Variants in AMPD3 observed in about 807,000 individuals in gnomAD.
AMPD3 encodes the protein AMP deaminase 3.
Under a neutral mutation model 82.3 loss-of-function variants are expected in AMPD3, and 57 were observed. That is an observed-to-expected ratio of 0.69 (90% CI 0.56 to 0.86). The LOEUF is 0.86. Ranked by LOEUF, AMPD3 falls within the 40% of genes least tolerant of loss-of-function variation. AMPD3 has a pLI of 0.00. For missense variants in AMPD3, 870 were observed against 1,003.8 expected (o/e 0.87, Z 1.80); for synonymous variants, 381 against 394.7 (o/e 0.97, Z 0.41).
At chr11:10,470,272 T>C (rs542159372) in intron 2 of AMPD3, among the ~76,000 whole-genome samples, 1 of 152,274 alleles carries the variant, frequency 6.6e-6, no homozygotes, top group East Asian at 1.9e-4. Context: ...CACCCCTTCA[T>C]GCTAAAAACT....
chr11:10,457,004 G>A (rs147599340), intron 1 of AMPD3, among the ~76,000 whole-genome samples: 1 of 147,814 alleles, frequency 6.8e-6, no homozygotes, highest in Non-Finnish European at 1.5e-5. Context: ...TTGAGAGAAG[G>A]TCTTGCTCTG....
chr11:10,505,870 G>T lies in AMPD3; in HGVS notation c.2290G>T (p.Ala764Ser). 6.2e-7 allele frequency: 1 copy of T among 1,614,076 alleles called. No individual in the cohort carries two copies. The highest frequency in any genetic ancestry group is 8.5e-7 in the Non-Finnish European group (1 of 1,180,020). The change falls in exon 15 of 15, where the codon GCC (alanine) becomes TCC (serine). Residue 764 changes from alanine to serine, a missense_variant. By Grantham distance (99) the Ala-to-Ser change is moderately conservative. Transcript: ENST00000396553. ...TGCTATGAAATCAGAAGAGATCACC[G>T]CCTTGACCAACTAGGTCCAGCATTT... Reference protein sequence around the residue: ...SDAMKSEEITALTN With the variant: ...SDAMKSEEITSLTN
intron 6 of AMPD3, among the ~76,000 whole-genome samples, chr11:10,490,755 AG>A (rs1222646022): frequency 6.6e-6 from 1 of 152,206 alleles, no homozygotes; most frequent in Non-Finnish European, 1.5e-5. Context: ...CAGAAAGCCC[AG>A]AATCCGCTGA....
intron 6 of AMPD3, among the ~76,000 whole-genome samples, chr11:10,488,735 T>G (rs1224108309): frequency 2.0e-5 from 3 of 152,014 alleles, no homozygotes; most frequent in Non-Finnish European, 4.4e-5. Flanking sequence ...TAAAGCTGGG[T>G]GGAGTCACAG....
chr11:10,496,418 C>T, intron 9 of AMPD3: 1 of 985,354 alleles, frequency 1.0e-6, no homozygotes, highest in Non-Finnish European at 1.2e-6. Flanking sequence ...AGGCGGCTGG[C>T]CAGGGTGGAG....
chr11:10,461,577 C>T lies in AMPD3; in HGVS notation c.58C>T (p.Leu20=). ...TGAAGTGGATGAGCAAGTCCGGCTCCTGGCGGAGAAGGTGTTTGCTAAAGT... is the reference window on the plus strand; with the variant it reads ...TGAAGTGGATGAGCAAGTCCGGCTCTTGGCGGAGAAGGTGTTTGCTAAAGT... ...ISEVDEQVRL[L]AEKVFAKVLR... Residue 20 remains leucine (L), a synonymous_variant, in exon 2 of 15, where the codon CTG becomes TTG. Coordinates refer to ENST00000396553, the MANE Select transcript of AMPD3 (RefSeq NM_001025389.2). 1 of 1,614,228 alleles carries T rather than the reference C, an allele frequency of 6.2e-7. No individual in the cohort carries two copies. Among genetic ancestry groups the T allele is most frequent in the South Asian group, 1.1e-5 (1 of 91,088 alleles).
rs187304744 is a variant in AMPD3 at position 10,507,520 on chromosome 11, C to T, written c.*1636C>T. 1 of 152,634 alleles carries T rather than the reference C, an allele frequency of 6.6e-6. No homozygotes were observed. Among genetic ancestry groups the T allele is most frequent in the East Asian group, 1.9e-4 (1 of 5,206 alleles). 9.5% of individuals were successfully genotyped at this position (152,634 alleles called of 1,614,324 possible). A position where few individuals can be genotyped will look rare whatever the true frequency, so the allele number is the denominator to read the frequency against. On this transcript the variant is annotated 3_prime_UTR_variant, in exon 15 of 15. Transcript: ENST00000396553. ...GAAGTATTGTGTAGTTTCTCATTGTCATTTTATCTGTATCAAGTATCTTTT... is the reference window on the plus strand; with the variant it reads ...GAAGTATTGTGTAGTTTCTCATTGTTATTTTATCTGTATCAAGTATCTTTT...
Position 10,456,922 on chromosome 11 carries a change from G to T in AMPD3, c.-6+1474G>T, listed in dbSNP as rs1166512955. 6.6e-6 allele frequency among the ~76,000 whole-genome samples: 1 copy of T among 151,936 alleles called. No individual in the cohort carries two copies. The highest frequency in any genetic ancestry group is 1.5e-5 in the Non-Finnish European group (1 of 68,002). On this transcript the variant is annotated intron_variant, in intron 1 of 14. Coordinates refer to ENST00000396553, the MANE Select transcript of AMPD3 (RefSeq NM_001025389.2). This position sits in a 1 kb window ranked among gnomAD's most constrained non-coding sequence, Gnocchi z 4.3. ...CTGCAGCACCCCAAGTGGGTTACTT[G>T]GTCCATACTAAGATATGGAATTAAT...
intron 9 of AMPD3, chr11:10,496,521 T>C (rs1849405532): frequency 1.0e-6 from 1 of 985,342 alleles, no homozygotes; most frequent in African/African-American, 1.7e-5. Context: ...AGGATTCATA[T>C]CTCAGTCTCT....
At position 10,485,012 on chromosome 11, in the gene AMPD3, T is replaced by A; in HGVS notation, c.782T>A (p.Ile261Asn). 1 of 1,613,872 alleles carries A rather than the reference T, an allele frequency of 6.2e-7. No homozygotes were observed. The highest frequency in any genetic ancestry group is 8.5e-7 in the Non-Finnish European group (1 of 1,179,996). ...ACCTACACGGTGGACATGAGCCACA[T>A]CCTGGCTCTCATCACCGATGGCCCC... is the stretch of plus-strand genomic sequence containing the variant. ...LETYTVDMSH[I>N]LALITDGPTK... Residue 261 changes from isoleucine to asparagine, a missense_variant, in exon 5 of 15, where the codon ATC becomes AAC. Transcript: ENST00000396553.
chr11:10,500,305 A>G lies in AMPD3; in HGVS notation c.1721+56A>G, dbSNP rs765593621. 7.7e-6 allele frequency: 12 copies of G among 1,557,222 alleles called. 1 individual carries two copies. The highest frequency in any genetic ancestry group is 1.7e-5 in the Admixed American group (1 of 59,648). On this transcript the variant is annotated intron_variant, in intron 11 of 14. Transcript: ENST00000396553. ...GGTTCATGTGTTAGTACATGCACGC[A>G]TGCACACACATGCACACACACATGC...
rs560168833 is a variant in AMPD3, at chr11:10,478,095, G to A, written c.222-431G>A. On this transcript the variant is annotated intron_variant, in intron 2 of 14. Coordinates refer to ENST00000396553, the MANE Select transcript of AMPD3 (RefSeq NM_001025389.2). ...CCTATTCCTGGTCCTTTCTGAGACC[G>A]TTCATATGTTGGGACTGAGAGTTTG... The A allele has an allele frequency of 1.1e-5, 11 of 985,436 alleles. No individual in the cohort carries two copies. In the Admixed American group the frequency reaches 2.5e-4, roughly 22 times the overall value. 61.0% of individuals were successfully genotyped at this position (985,436 alleles called of 1,614,324 possible).
At chr11:10,487,039 T>C (rs1381041112) in intron 5 of AMPD3, 196 bp from the exon 6 acceptor site, 9 of 979,610 alleles carry the variant, frequency 9.2e-6, no homozygotes, top group Non-Finnish European at 1.1e-5. Flanking sequence ...ATCTCCTGAC[T>C]CTCCACTGAC....
intron 2 of AMPD3, among the ~76,000 whole-genome samples, chr11:10,475,898 G>A (rs756307040): frequency 3.3e-5 from 5 of 152,096 alleles, no homozygotes; most frequent in South Asian, 2.1e-4. Context: ...GCCAACAACC[G>A]GAATGAACTT....
chr11:10,454,266 T>A (rs1848032120), upstream of AMPD3, among the ~76,000 whole-genome samples: 1 of 152,228 alleles, frequency 6.6e-6, no homozygotes, highest in Non-Finnish European at 1.5e-5. Flanking sequence ...TGTTACAACC[T>A]GTGTCATCTT....
chr11:10,450,448 C>A (rs1847932048), upstream of AMPD3: 1 of 985,822 alleles, frequency 1.0e-6, no homozygotes, highest in Non-Finnish European at 1.2e-6. Flanking sequence ...GAGCAAGTCA[C>A]CTGTGCGGGG....
upstream of AMPD3, among the ~76,000 whole-genome samples, chr11:10,451,730 C>T (rs1478508820): frequency 2.0e-5 from 3 of 152,196 alleles, no homozygotes; most frequent in Admixed American, 1.3e-4. Context: ...TGAAAGCAGG[C>T]AGCACAAGGA....
chr11:10,488,535 G>A (rs1591472136), intron 6 of AMPD3: 2 of 615,650 alleles, frequency 3.2e-6, no homozygotes, highest in Non-Finnish European at 4.1e-6. Flanking sequence ...TTGGAGCTCA[G>A]GCATTGGGAG....
intron 6 of AMPD3, among the ~76,000 whole-genome samples, chr11:10,492,918 A>C (rs138886820): frequency 6.6e-6 from 1 of 152,300 alleles, no homozygotes; most frequent in African/African-American, 2.4e-5. Context: ...AAAGGGATGC[A>C]GTGTACTGTA....
Sources: allele counts gnomAD v4.1 joint callset (sites outside exome capture counted in the v4.1 genomes callset), GRCh38; gene constraint gnomAD v4.1.1; non-coding constraint Gnocchi (gnomAD v3.1); transcripts MANE v1.5; gene names NCBI Gene and HGNC (gene_info 2026-07-23, HGNC 2026-07-21).